DOCK1: variants seen among roughly 807,000 people sequenced by gnomAD.
The protein encoded by DOCK1 is dedicator of cytokinesis protein 1.
In DOCK1, 138 loss-of-function variants were observed where a neutral mutation model predicts 262.7. That is an observed-to-expected ratio of 0.53 (90% CI 0.46 to 0.61). The LOEUF (loss-of-function observed/expected upper bound fraction) is 0.61, where lower values mean the gene tolerates loss of function less well. Ranked by LOEUF, DOCK1 falls within the 20% of genes least tolerant of loss-of-function variation. DOCK1 has a pLI of 0.00. For missense variants in DOCK1, 1,908 were observed against 2,370.7 expected (o/e 0.80, Z 4.05); for synonymous variants, 866 against 867.4 (o/e 1.00, Z 0.03).
At chr10:127,284,017 G>A (rs902238489) in intron 29 of DOCK1, among the ~76,000 whole-genome samples, 1 of 152,160 alleles carries the variant, frequency 6.6e-6, no homozygotes, top group Non-Finnish European at 1.5e-5. Context: ...TTAATGTAAT[G>A]GCAAAATGTT....
At chr10:127,119,424 T>C (rs2049402093) in intron 25 of DOCK1, among the ~76,000 whole-genome samples, 1 of 152,168 alleles carries the variant, frequency 6.6e-6, no homozygotes, top group Admixed American at 6.5e-5. Context: ...AGCTCCCAGC[T>C]CCCACATCTG....
In DOCK1 at chr10:127,437,680, T is replaced by C. The variant is rs1274592758; in HGVS notation, c.5061-1347T>C. Among the ~76,000 whole-genome samples the C allele has an allele frequency of 6.6e-6, 1 of 152,134 alleles. No homozygotes were observed. Among genetic ancestry groups the C allele is most frequent in the Admixed American group, 6.5e-5 (1 of 15,274 alleles). ...GTTTTATCGAGACTGGATCTTGCCA[T>C]GTTGGCCAGGCTGGTCTCGAACTCC... is the stretch of plus-strand genomic sequence containing the variant. On this transcript the variant is annotated intron_variant, in intron 48 of 51. Coordinates refer to ENST00000623213, the MANE Select transcript of DOCK1 (RefSeq NM_001290223.2). The surrounding 1 kb of genome is among the most constrained non-coding windows in gnomAD (Gnocchi z 4.4).
chr10:127,138,709 C>T (rs1337634021), intron 27 of DOCK1, among the ~76,000 whole-genome samples: 1 of 152,192 alleles, frequency 6.6e-6, no homozygotes, highest in Non-Finnish European at 1.5e-5. Context: ...TTCCATCACT[C>T]AAGCCATGGC....
At chr10:127,251,880 C>T (rs990506993) in intron 28 of DOCK1, among the ~76,000 whole-genome samples, 30 of 150,424 alleles carry the variant, frequency 2.0e-4, no homozygotes, top group African/African-American at 7.3e-4. Flanking sequence ...GATTTATAGT[C>T]CTTTGGGTAT....
chr10:127,197,115 A>T (rs1180671777), intron 27 of DOCK1, among the ~76,000 whole-genome samples: 1 of 152,058 alleles, frequency 6.6e-6, no homozygotes, highest in African/African-American at 2.4e-5. Flanking sequence ...CAGCCTCTCT[A>T]CATGGGGACA....
rs1364779829 is a variant in DOCK1 at position 126,952,986 on chromosome 10, T to C, written c.47-17716T>C. 4.6e-5 allele frequency among the ~76,000 whole-genome samples: 7 copies of C among 151,684 alleles called. No homozygotes were observed. The East Asian group carries it at 1.2e-3, about 25-fold the overall frequency. On this transcript the variant is annotated intron_variant, in intron 1 of 51. Transcript: ENST00000623213. ...TTTGTTGGTGGTATTGTTGGTAGTATAGTTAGTGATGTAGTGTTGGTGGTG... is the reference window on the plus strand; with the variant it reads ...TTTGTTGGTGGTATTGTTGGTAGTACAGTTAGTGATGTAGTGTTGGTGGTG...
intron 27 of DOCK1, among the ~76,000 whole-genome samples, chr10:127,243,931 T>C (rs532708020): frequency 2.9e-4 from 44 of 152,350 alleles, no homozygotes; most frequent in African/African-American, 1.0e-3. Flanking sequence ...AGTCATTTTT[T>C]GTTTTTCTTG....
rs566007992 is a variant in DOCK1 at position 127,287,413 on chromosome 10, C to T, written c.3044+29984C>T. On this transcript the variant is annotated intron_variant, in intron 29 of 51. Transcript: ENST00000623213. ...CCATGTTGGCCAGGCTGCTCTTGAACTCCTGGCTTCAAGCGATCCTCCCAC... is the reference window on the plus strand; with the variant it reads ...CCATGTTGGCCAGGCTGCTCTTGAATTCCTGGCTTCAAGCGATCCTCCCAC... Among the ~76,000 whole-genome samples, 3 of 152,108 alleles carry T rather than the reference C, an allele frequency of 2.0e-5. No individual in the cohort carries two copies. In the East Asian group the frequency reaches 5.8e-4, roughly 29 times the overall value.
At chr10:127,045,665 C>G (rs1477212718) in intron 21 of DOCK1, among the ~76,000 whole-genome samples, 1 of 152,194 alleles carries the variant, frequency 6.6e-6, no homozygotes, top group Non-Finnish European at 1.5e-5. Flanking sequence ...GCACCTCGAG[C>G]TGTGTCTGCG....
At chr10:126,971,997 G>A (rs2038148130) in intron 2 of DOCK1, among the ~76,000 whole-genome samples, 1 of 151,974 alleles carries the variant, frequency 6.6e-6, no homozygotes, top group Non-Finnish European at 1.5e-5. Flanking sequence ...GCCCACCACA[G>A]CCTCTGCCTC....
chr10:127,192,712 T>C (rs1410061328), intron 27 of DOCK1: 4 of 152,186 alleles, frequency 2.6e-5, no homozygotes, highest in Non-Finnish European at 4.4e-5. Context: ...GGAGATACCT[T>C]AGTTAGTGCC....
At chr10:127,244,523 TCCTCGTTCCCTGC>T (rs1450894097) in intron 27 of DOCK1, among the ~76,000 whole-genome samples, 1 of 152,136 alleles carries the variant, frequency 6.6e-6, no homozygotes, top group Non-Finnish European at 1.5e-5. Context: ...CACACAAGAG[TCCTCGTTCCCTGC>T]ACCCTTGCTC....
At chr10:127,320,001 T>C (rs1302278114) in intron 29 of DOCK1, among the ~76,000 whole-genome samples, 1 of 152,170 alleles carries the variant, frequency 6.6e-6, no homozygotes, top group Non-Finnish European at 1.5e-5. Context: ...CATCATATTA[T>C]ATAGGCCATG....
At chr10:127,122,651 T>C (rs191605811) in intron 25 of DOCK1, among the ~76,000 whole-genome samples, 138 of 151,100 alleles carry the variant, frequency 9.1e-4, no homozygotes, top group African/African-American at 3.2e-3. Flanking sequence ...TTTTTACATC[T>C]TCTTGGGGGC....
intron 4 of DOCK1, among the ~76,000 whole-genome samples, chr10:126,987,186 GT>G: frequency 6.6e-6 from 1 of 152,208 alleles, no homozygotes; most frequent in Non-Finnish European, 1.5e-5. Context: ...AGATAGATGG[GT>G]ACACATATTA....
intron 1 of DOCK1, among the ~76,000 whole-genome samples, chr10:126,959,374 TTTC>T (rs1364361942): frequency 6.6e-6 from 1 of 152,234 alleles, no homozygotes; most frequent in Non-Finnish European, 1.5e-5. Context: ...ATATTTTGAT[TTTC>T]TTCTTTGTCT....
chr10:127,449,079 G>A (rs190519499), intron 51 of DOCK1, among the ~76,000 whole-genome samples: 6 of 152,266 alleles, frequency 3.9e-5, no homozygotes, highest in African/African-American at 1.2e-4. Context: ...CCCTAGAGAC[G>A]CCTCGATGGG....
At chr10:126,974,816 G>C (rs943748482) in intron 2 of DOCK1, among the ~76,000 whole-genome samples, 1 of 152,134 alleles carries the variant, frequency 6.6e-6, no homozygotes, top group South Asian at 2.1e-4. Flanking sequence ...ACCCAGTGTG[G>C]TCTCTGGTAC....
At chr10:127,017,544 G>GACACAC (rs58811944) in intron 12 of DOCK1, among the ~76,000 whole-genome samples, 1 of 150,098 alleles carries the variant, frequency 6.7e-6, no homozygotes, top group African/African-American at 2.4e-5. Flanking sequence ...TGGACACACA[G>GACACAC]ACACACACAC....
Sources: gnomAD v4.1 joint callset for allele counts (sites outside exome capture counted in the v4.1 genomes callset) on GRCh38, gnomAD v4.1.1 for gene constraint, Gnocchi (gnomAD v3.1) non-coding constraint, MANE v1.5 for transcripts, NCBI Gene and HGNC (gene_info 2026-07-23, HGNC 2026-07-21) for gene names.